The following RFC1 variants were observed in gnomAD, a reference collection of about 807,000 sequenced individuals.
RFC1 encodes replication factor C subunit 1.
A neutral mutation model predicts 137.4 loss-of-function variants in RFC1; 37 were observed. The observed-to-expected ratio is 0.27, with a 90% CI of 0.21 to 0.35. The LOEUF is 0.35. Among genes scored for constraint, RFC1 ranks in the 10% least tolerant of loss-of-function variants. The pLI is 1.00. For synonymous variants in RFC1, 429 were observed against 455.7 expected, an observed-to-expected ratio of 0.94 and a Z score of 0.75; for missense variants, 1,205 against 1,358.5, an observed-to-expected ratio of 0.89 and a Z score of 1.78.
rs1305914229 is a variant in RFC1, at chr4:39,351,834, G to C, written c.4-358C>G. On this transcript the variant is annotated intron_variant, in intron 1 of 24. Coordinates refer to ENST00000349703, the MANE Select transcript of RFC1 (RefSeq NM_002913.5). ...AAAAATTAGCTGGGCATGGTGGCAG[G>C]TGCCTGTAATTCCAGCTACTTGGGA... Among the ~76,000 whole-genome samples, 3 of 151,834 alleles carry C rather than the reference G, an allele frequency of 2.0e-5. No homozygotes were observed. The East Asian group carries it at 5.8e-4, about 29-fold the overall frequency.
intron 6 of RFC1, among the ~76,000 whole-genome samples, chr4:39,325,365 C>G (rs1269180672): frequency 6.6e-6 from 1 of 152,150 alleles, no homozygotes; most frequent in Non-Finnish European, 1.5e-5. Flanking sequence ...ACCATTCACC[C>G]AGTTGTTAAG....
chr4:39,331,661 A>T (rs1156831073), intron 4 of RFC1, among the ~76,000 whole-genome samples: 2 of 152,232 alleles, frequency 1.3e-5, no homozygotes, highest in Non-Finnish European at 2.9e-5. Context: ...AAAAATATCT[A>T]TATTTGCTCA....
intron 4 of RFC1, among the ~76,000 whole-genome samples, chr4:39,339,369 T>C (rs955224891): frequency 6.6e-6 from 1 of 152,206 alleles, no homozygotes; most frequent in Admixed American, 6.5e-5. Context: ...ACCAATGGTG[T>C]ATAGGTTCCC....
intron 10 of RFC1, among the ~76,000 whole-genome samples, chr4:39,315,320 C>A (rs545718937): frequency 6.6e-6 from 1 of 152,358 alleles, no homozygotes; most frequent in African/African-American, 2.4e-5. Flanking sequence ...CTTCTGTGAT[C>A]CCACGCTTAT....
intron 5 of RFC1, 75 bp from the exon 6 acceptor site, chr4:39,326,715 G>A (rs878867427): frequency 8.8e-7 from 1 of 1,138,044 alleles, no homozygotes; most frequent in South Asian, 1.3e-5. Context: ...CTTGACTGTT[G>A]CTGATTAAAT....
intron 4 of RFC1, among the ~76,000 whole-genome samples, chr4:39,341,833 T>C (rs560340321): frequency 1.3e-4 from 20 of 152,334 alleles, no homozygotes; most frequent in African/African-American, 4.3e-4. Context: ...TATTTATAAA[T>C]GTCCTTTGCA....
intron 1 of RFC1, among the ~76,000 whole-genome samples, chr4:39,355,489 A>G (rs1741429182): frequency 6.6e-6 from 1 of 152,178 alleles, no homozygotes; most frequent in Non-Finnish European, 1.5e-5. Flanking sequence ...ATAAAAGATA[A>G]CCTAACCAAT....
chr4:39,323,954 G>C (rs1739642155), intron 6 of RFC1, among the ~76,000 whole-genome samples: 1 of 152,052 alleles, frequency 6.6e-6, no homozygotes, highest in African/African-American at 2.4e-5. Flanking sequence ...TCTCACTTTT[G>C]AAAATTTAAG....
chr4:39,321,281 T>C lies in RFC1; in HGVS notation c.808+6A>G, dbSNP rs755615788. On this transcript the variant is annotated splice_donor_region_variant and intron_variant, in intron 8 of 24. Transcript: ENST00000349703. ...GCTCCATCTTACTTTTTTCTGCTAG[T>C]ATTACCTTTATGAGGATATTTATGT... 5.0e-6 allele frequency: 8 copies of C among 1,608,130 alleles called. No individual in the cohort carries two copies. The highest frequency in any genetic ancestry group is 6.8e-6 in the Non-Finnish European group (8 of 1,176,056).
rs181432960 is a variant in RFC1 at position 39,304,730 on chromosome 4, C to T, written c.2110+84G>A. The T allele has an allele frequency of 1.1e-4, 92 of 843,404 alleles. No homozygotes were observed. In the African/African-American group the frequency reaches 1.4e-3, roughly 13 times the overall value. 52.2% of individuals were successfully genotyped at this position (843,404 alleles called of 1,614,324 possible). A position where few individuals can be genotyped will look rare whatever the true frequency, so the allele number is the denominator to read the frequency against. ...ATTTAGTAGGGTGCTTGGCACACAA[C>T]CTGTGTTCAATACTGGTTACTGAAC... On this transcript the variant is annotated intron_variant, in intron 15 of 24. Transcript: ENST00000349703.
intron 4 of RFC1, among the ~76,000 whole-genome samples, chr4:39,339,389 C>G (rs1166958133): frequency 6.6e-6 from 1 of 152,144 alleles, no homozygotes; most frequent in African/African-American, 2.4e-5. Context: ...CTTTTCTGCA[C>G]ACCCTGAATA....
At chr4:39,295,161 C>T (rs1053005553) in intron 22 of RFC1, among the ~76,000 whole-genome samples, 3 of 152,228 alleles carry the variant, frequency 2.0e-5, no homozygotes, top group Admixed American at 2.0e-4. Flanking sequence ...GCAGCCTCCT[C>T]CTGTTACATG....
rs1738838877 is a variant in RFC1 at position 39,309,083 on chromosome 4, AT to A, written c.1489-52del. On this transcript the variant is annotated intron_variant, in intron 12 of 24. Transcript: ENST00000349703. ...AAAGAAACCTGATGAAACATACAGA[AT>A]TTCTATCCTGCTAAACGTACTACAG... 6 of 1,531,556 alleles carry A rather than the reference AT, an allele frequency of 3.9e-6. 1 individual carries two copies. Among genetic ancestry groups the A allele is most frequent in the African/African-American group, 2.8e-5 (2 of 72,042 alleles). The allele number at this position is 1,531,556 out of a possible 1,614,324, so 94.9% of individuals were successfully genotyped here. A position where few individuals can be genotyped will look rare whatever the true frequency, so the allele number is the denominator to read the frequency against.
At chr4:39,317,900 T>C (rs557729322) in intron 9 of RFC1, 2 of 152,298 alleles carry the variant, frequency 1.3e-5, no homozygotes, top group Non-Finnish European at 2.9e-5. Context: ...CTCACGCCTG[T>C]GGTCCCAGCA....
rs140393844 is a variant in RFC1 at position 39,333,443 on chromosome 4, A to G, written c.332-5687T>C. ...ATAAATTTAGTCTAGTCATCACACT[A>G]TTAGGAACATGAAAAGTATAAGCAA... On this transcript the variant is annotated intron_variant, in intron 4 of 24. Coordinates refer to ENST00000349703, the MANE Select transcript of RFC1 (RefSeq NM_002913.5). Among the ~76,000 whole-genome samples, 331 of 152,292 alleles carry G rather than the reference A, an allele frequency of 2.2e-3. 4 individuals carry two copies. In the Middle Eastern group the frequency reaches 0.048, roughly 22 times the overall value.
intron 4 of RFC1, among the ~76,000 whole-genome samples, chr4:39,329,921 G>C (rs1740008951): frequency 6.6e-6 from 1 of 152,054 alleles, no homozygotes; most frequent in Non-Finnish European, 1.5e-5. Context: ...TGTAATCCCA[G>C]CTATTTGGGC....
At position 39,323,331 on chromosome 4, in the gene RFC1, T is replaced by C. The variant is rs760557674; in HGVS notation, c.720+9A>G. 6.2e-7 allele frequency: 1 copy of C among 1,613,614 alleles called. No homozygotes were observed. The highest frequency in any genetic ancestry group is 2.2e-5 in the East Asian group (1 of 44,844). ...TATTCAGAACGCAAATAGCCCAACA[T>C]TATGCCACCTTTTTGGTCTTGGGTT... On this transcript the variant is annotated intron_variant, in intron 7 of 24. Coordinates refer to ENST00000349703, the MANE Select transcript of RFC1 (RefSeq NM_002913.5).
intron 4 of RFC1, among the ~76,000 whole-genome samples, 171 bp from the exon 5 acceptor site, chr4:39,327,927 T>C (rs895294058): frequency 2.0e-5 from 3 of 151,788 alleles, no homozygotes; most frequent in African/African-American, 7.3e-5. Context: ...CGCTCAGGAG[T>C]TCGAGACCAG....
At chr4:39,304,966 A>G in intron 14 of RFC1, 38 bp from the exon 15 acceptor site, 1 of 1,216,468 alleles carries the variant, frequency 8.2e-7, no homozygotes, top group Non-Finnish European at 1.2e-6. Flanking sequence ...GGCACAATAC[A>G]AATTAACTCC....
Sources: gnomAD v4.1 joint callset for allele counts (sites outside exome capture counted in the v4.1 genomes callset) on GRCh38, gnomAD v4.1.1 for gene constraint, MANE v1.5 for transcripts, NCBI Gene and HGNC (gene_info 2026-07-23, HGNC 2026-07-21) for gene names.